Variants in CCDC62 observed in about 807,000 individuals in gnomAD.
CCDC62 encodes coiled-coil domain containing 62.
In CCDC62, 72 loss-of-function variants were observed where a neutral mutation model predicts 80.8. The observed-to-expected ratio is 0.89, with a 90% CI of 0.74 to 1.08. CCDC62 has a LOEUF of 1.08. Ranked by LOEUF, CCDC62 falls within the 50% of genes least tolerant of loss-of-function variation. The pLI is 0.00. For missense variants in CCDC62, 704 were observed against 809.4 expected (o/e 0.87, Z 1.58); for synonymous variants, 286 against 296.5 (o/e 0.96, Z 0.36).
intron 6 of CCDC62, among the ~76,000 whole-genome samples, chr12:122,796,536 A>C (rs1292975624): frequency 1.3e-5 from 2 of 152,204 alleles, no homozygotes; most frequent in African/African-American, 2.4e-5. Context: ...AGTCAGATGC[A>C]CTACGGATAT....
In CCDC62 at chr12:122,788,894, T is replaced by A. The variant is rs1387785760; in HGVS notation, c.635T>A (p.Leu212Ter). 1 of 1,606,638 alleles carries A rather than the reference T, an allele frequency of 6.2e-7. No homozygotes were observed. Among genetic ancestry groups the A allele is most frequent in the Non-Finnish European group, 8.5e-7 (1 of 1,178,304 alleles). Residue 212 changes from leucine (L) to a stop codon, truncating the protein, a stop_gained, in exon 5 of 13, where the codon TTG becomes TAG. Coordinates refer to ENST00000253079, the MANE Select transcript of CCDC62 (RefSeq NM_201435.5). LOFTEE classifies it high-confidence loss of function. ...GAAAAGCAAGATTATAAGCAGAAAT[T>A]GAAGGCACTTAAGATTGAAGTCAAC... Reference protein sequence around the residue: ...VKEKQDYKQKLKALKIEVNKL... With the variant: ...VKEKQDYKQK
At position 122,777,614 on chromosome 12, in the gene CCDC62, C is replaced by T. The variant is rs772529404; in HGVS notation, c.160C>T (p.Gln54Ter). ...LNDMVAVHQQ[Q>*]LLSWEEDRQK... ...TGACATGGTTGCAGTGCACCAGCAA[C>T]AGCTTCTTTCATGGGAAGAGGATCG... Residue 54 changes from glutamine to a stop codon, truncating the protein, a stop_gained, in exon 2 of 13, where the codon CAG becomes TAG. Transcript: ENST00000253079. LOFTEE classifies it high-confidence loss of function. 2.5e-6 allele frequency: 4 copies of T among 1,614,146 alleles called. No homozygotes were observed. In the East Asian group the frequency reaches 6.7e-5, roughly 27 times the overall value.
intron 3 of CCDC62, among the ~76,000 whole-genome samples, chr12:122,782,810 TAA>T (rs2029949582): frequency 6.6e-6 from 1 of 151,712 alleles, no homozygotes; most frequent in Admixed American, 6.6e-5. Flanking sequence ...ATAAAAACTG[TAA>T]GACTGGTTTT....
chr12:122,787,300 A>C (rs1014147829), intron 4 of CCDC62, among the ~76,000 whole-genome samples: 1 of 151,744 alleles, frequency 6.6e-6, no homozygotes, highest in African/African-American at 2.4e-5. Context: ...AATACAAAAA[A>C]ATTAGCCGGG....
intron 11 of CCDC62, among the ~76,000 whole-genome samples, chr12:122,818,655 A>G (rs2032271457): frequency 1.3e-5 from 2 of 150,724 alleles, no homozygotes; most frequent in East Asian, 1.9e-4. Flanking sequence ...GGGTGCAGTG[A>G]CTCACACCTG....
At chr12:122,799,804 A>T (rs2031181738) in intron 8 of CCDC62, among the ~76,000 whole-genome samples, 1 of 152,138 alleles carries the variant, frequency 6.6e-6, no homozygotes, top group Non-Finnish European at 1.5e-5. Flanking sequence ...CACTGCAGGG[A>T]TCACCCCAGG....
intron 11 of CCDC62, among the ~76,000 whole-genome samples, chr12:122,815,152 A>G (rs569792662): frequency 1.3e-5 from 2 of 152,076 alleles, no homozygotes; most frequent in African/African-American, 4.8e-5. Flanking sequence ...ATGCAGGGCC[A>G]ACTTGAACCT....
intron 10 of CCDC62, 114 bp downstream of exon 10, chr12:122,806,409 T>C: frequency 1.6e-6 from 1 of 616,814 alleles, no homozygotes; most frequent in Non-Finnish European, 2.6e-6. Flanking sequence ...CCTCCGTTTT[T>C]TTTTTTTTTT....
chr12:122,825,398 G>A (rs2032577194), intron 12 of CCDC62, among the ~76,000 whole-genome samples: 1 of 144,754 alleles, frequency 6.9e-6, no homozygotes, highest in Non-Finnish European at 1.5e-5. Context: ...CCAGTCTGGA[G>A]TGCAGTGGTG....
intron 1 of CCDC62, chr12:122,777,251 C>A: frequency 5.0e-6 from 2 of 396,262 alleles, no homozygotes; most frequent in East Asian, 9.1e-5. Context: ...AGAAACAGTC[C>A]CACTTTTTAG....
In CCDC62 at chr12:122,798,201, G is replaced by C. The variant is rs771967288; in HGVS notation, c.977+1G>C. On this transcript the variant is annotated splice_donor_variant, in intron 8 of 12. Coordinates refer to ENST00000253079, the MANE Select transcript of CCDC62 (RefSeq NM_201435.5). LOFTEE classifies it high-confidence loss of function. ...AGGAATCAAAGGCTCTGGACTCCAGGTAATCTTAGCAAGATGCAATTAATA... is the reference window on the plus strand; with the variant it reads ...AGGAATCAAAGGCTCTGGACTCCAGCTAATCTTAGCAAGATGCAATTAATA... 1.5e-6 allele frequency: 2 copies of C among 1,353,618 alleles called. No homozygotes were observed. The highest frequency in any genetic ancestry group is 2.4e-5 in the South Asian group (2 of 84,706). The allele number at this position is 1,353,618 out of a possible 1,614,324, so 83.9% of individuals were successfully genotyped here. A position where few individuals can be genotyped will look rare whatever the true frequency, so the allele number is the denominator to read the frequency against.
At chr12:122,788,981 G>C (rs748442773) in intron 5 of CCDC62, 52 bp downstream of exon 5, 5 of 1,399,130 alleles carry the variant, frequency 3.6e-6, no homozygotes, top group Middle Eastern at 1.8e-4. Flanking sequence ...TGGGAATATA[G>C]TTTTTCATCT....
chr12:122,820,311 G>A lies in CCDC62; in HGVS notation c.2002-3055G>A, dbSNP rs564367040. Among the ~76,000 whole-genome samples, 8 of 152,258 alleles carry A rather than the reference G, an allele frequency of 5.3e-5. No homozygotes were observed. In the East Asian group the frequency reaches 9.6e-4, roughly 18 times the overall value. ...AAAAGGAGTTAGAGTAAGGGGAAGC[G>A]CACAGCTGAGCACATTGCCTCATGG... On this transcript the variant is annotated intron_variant, in intron 11 of 12. Transcript: ENST00000253079.
intron 10 of CCDC62, among the ~76,000 whole-genome samples, chr12:122,811,854 T>TTCAGTCTA (rs2031906214): frequency 9.2e-6 from 1 of 108,518 alleles, no homozygotes. Flanking sequence ...AAAAAAAAAA[T>TTCAGTCTA]TCAGTCTAGG....
chr12:122,790,362 T>TG (rs1158217839), intron 5 of CCDC62, among the ~76,000 whole-genome samples: 2 of 151,788 alleles, frequency 1.3e-5, no homozygotes, highest in Admixed American at 1.3e-4. Flanking sequence ...AAACTTTTTT[T>TG]TTAGAAAAGA....
intron 8 of CCDC62, 72 bp downstream of exon 8, chr12:122,798,272 C>G (rs2031087126): frequency 1.3e-6 from 1 of 797,510 alleles, no homozygotes; most frequent in South Asian, 1.5e-5. Flanking sequence ...TGCGCACTTA[C>G]TGTTGGCCAG....
chr12:122,792,201 GGT>G (rs1491281276), intron 6 of CCDC62, 80 bp downstream of exon 6: 9 of 715,542 alleles, frequency 1.3e-5, no homozygotes, highest in African/African-American at 1.0e-4. Flanking sequence ...CTCCCAAAAT[GGT>G]TTTTTTTTTT....
rs1318758741 is a variant in CCDC62 at position 122,797,366 on chromosome 12, A to G, written c.832A>G (p.Thr278Ala). ...TATTGCGAAGTCAAAGCAAGAACGCACAAATTCAGAACTGCACAATCTGAG... is the reference window on the plus strand; with the variant it reads ...TATTGCGAAGTCAAAGCAAGAACGCGCAAATTCAGAACTGCACAATCTGAG... ...LNIAKSKQER[T>A]NSELHNLRQI... The change falls in exon 7 of 13, where the codon ACA becomes GCA. Residue 278 changes from threonine (T) to alanine (A), a missense_variant. Coordinates refer to ENST00000253079, the MANE Select transcript of CCDC62 (RefSeq NM_201435.5). The G allele has an allele frequency of 2.5e-6, 4 of 1,597,964 alleles. No homozygotes were observed. The African/African-American group carries it at 4.0e-5, about 16-fold the overall frequency.
chr12:122,805,889 G>A (rs983439946), intron 9 of CCDC62, among the ~76,000 whole-genome samples: 1 of 151,920 alleles, frequency 6.6e-6, no homozygotes, highest in African/African-American at 2.4e-5. Context: ...TCCTGACCTC[G>A]TGATCCACCC....
Sources: gnomAD v4.1 joint callset for allele counts (sites outside exome capture counted in the v4.1 genomes callset) on GRCh38, gnomAD v4.1.1 for gene constraint, MANE v1.5 for transcripts, NCBI Gene and HGNC (gene_info 2026-07-23, HGNC 2026-07-21) for gene names.